Variants in GRIK2 observed in about 807,000 individuals in gnomAD.
GRIK2 encodes glutamate receptor ionotropic, kainate 2.
Under a neutral mutation model 100.3 loss-of-function variants are expected in GRIK2, and 32 were observed. The observed-to-expected ratio is 0.32, with a 90% CI of 0.24 to 0.43. GRIK2 has a LOEUF of 0.43. GRIK2 is among the 20% of genes least tolerant of loss of function. The pLI is 1.00. For synonymous variants in GRIK2, 417 were observed against 389.4 expected, an observed-to-expected ratio of 1.07 and a Z score of -0.83; for missense variants, 843 against 1,114.9, an observed-to-expected ratio of 0.76 and a Z score of 3.47.
At chr6:101,442,536 C>A (rs545957580) in intron 2 of GRIK2, among the ~76,000 whole-genome samples, 1 of 152,242 alleles carries the variant, frequency 6.6e-6, no homozygotes, top group African/African-American at 2.4e-5. Context: ...TTGAAAGACA[C>A]GCTGCAAACT....
Position 101,818,427 on chromosome 6 carries a change from C to T in GRIK2, c.1261C>T (p.Pro421Ser). Residue 421 changes from proline to serine, a missense_variant, in exon 10 of 17, where the codon CCA (proline) becomes TCA (serine). Around this residue, in one of 3 missense-constraint regions of GRIK2, gnomAD observed 519 missense variants for 643.8 expected, o/e 0.81. Coordinates refer to ENST00000369134, the MANE Select transcript of GRIK2 (RefSeq NM_021956.5). Reference sequence around the variant, plus strand: ...TATGACAGAAAGTCAAAAGGGAAAGCCAGCGAACATCACAGATTCCTTATC... The same window carrying T: ...TATGACAGAAAGTCAAAAGGGAAAGTCAGCGAACATCACAGATTCCTTATC... ...LNMTESQKGK[P>S]ANITDSLSNR... 1 of 1,611,932 alleles carries T rather than the reference C, an allele frequency of 6.2e-7. No homozygotes were observed. Among genetic ancestry groups the T allele is most frequent in the Non-Finnish European group, 8.5e-7 (1 of 1,178,156 alleles).
chr6:101,945,901 C>G (rs751522681), intron 14 of GRIK2, among the ~76,000 whole-genome samples: 1 of 132,740 alleles, frequency 7.5e-6, no homozygotes, highest in Non-Finnish European at 1.6e-5. Context: ...AATAGATTCT[C>G]TATCTACTGT....
At chr6:101,697,340 CGTGTGTGTGTGTGTGTGTGTGTGT>C (rs63654860) in intron 7 of GRIK2, among the ~76,000 whole-genome samples, 5 of 146,716 alleles carry the variant, frequency 3.4e-5, no homozygotes, top group African/African-American at 1.0e-4. Context: ...TTAGGGTGTA[CGTGTGTGTGTGTGTGTGTGTGTGT>C]GTGTGTGTGT....
At chr6:101,900,865 A>G (rs1787801172) in intron 12 of GRIK2, among the ~76,000 whole-genome samples, 1 of 151,564 alleles carries the variant, frequency 6.6e-6, no homozygotes, top group African/African-American at 2.4e-5. Flanking sequence ...TGCTAGCTTC[A>G]AGTCCTTGTT....
chr6:101,695,444 C>A (rs1339641503), intron 7 of GRIK2, among the ~76,000 whole-genome samples: 1 of 152,042 alleles, frequency 6.6e-6, no homozygotes, highest in Non-Finnish European at 1.5e-5. Flanking sequence ...TGGAAGGGGG[C>A]ACTGTCAAAC....
chr6:101,543,852 A>G (rs2518220), intron 2 of GRIK2, among the ~76,000 whole-genome samples: 122,660 of 152,246 alleles, frequency 0.81, 49,834 homozygotes, highest in African/African-American at 0.9. Flanking sequence ...CAAACAATAA[A>G]TTGTCAATTA....
intron 12 of GRIK2, among the ~76,000 whole-genome samples, chr6:101,904,350 A>G (rs979216130): frequency 4.6e-5 from 7 of 151,490 alleles, no homozygotes; most frequent in African/African-American, 1.7e-4. Context: ...GAACTTGTGT[A>G]TAGATAACAA....
At chr6:101,941,478 CTGAATT>C (rs1482980283) in intron 14 of GRIK2, among the ~76,000 whole-genome samples, 1 of 151,620 alleles carries the variant, frequency 6.6e-6, no homozygotes, top group East Asian at 1.9e-4. Context: ...AAAATACAAA[CTGAATT>C]TGATATGCAA....
chr6:101,394,689 G>T (rs1483706032), intron 1 of GRIK2, among the ~76,000 whole-genome samples: 1 of 152,130 alleles, frequency 6.6e-6, no homozygotes, highest in Non-Finnish European at 1.5e-5. Context: ...AGTCAGTTTA[G>T]TTACTGAAAT....
At chr6:101,682,636 G>T in intron 6 of GRIK2, 30 bp downstream of exon 6, 1 of 901,950 alleles carries the variant, frequency 1.1e-6, no homozygotes, top group Non-Finnish European at 1.8e-6. Flanking sequence ...AAAATGTTCT[G>T]AATTTTATTA....
At chr6:101,763,316 C>T (rs1410098862) in intron 7 of GRIK2, among the ~76,000 whole-genome samples, 1 of 152,138 alleles carries the variant, frequency 6.6e-6, no homozygotes, top group East Asian at 1.9e-4. Flanking sequence ...TTTATTCAAT[C>T]CTGAAAACCA....
At chr6:101,720,054 T>C (rs1382835536) in intron 7 of GRIK2, among the ~76,000 whole-genome samples, 1 of 151,976 alleles carries the variant, frequency 6.6e-6, no homozygotes, top group East Asian at 1.9e-4. Context: ...CTTATTTTTG[T>C]GTTTATTGAA....
At chr6:101,585,202 A>C (rs1339128231) in intron 2 of GRIK2, among the ~76,000 whole-genome samples, 1 of 152,084 alleles carries the variant, frequency 6.6e-6, no homozygotes, top group Non-Finnish European at 1.5e-5. Flanking sequence ...TTTGGTCAAA[A>C]GTTATCGAAT....
At chr6:101,935,709 C>G (rs1030609939) in intron 14 of GRIK2, among the ~76,000 whole-genome samples, 1 of 151,818 alleles carries the variant, frequency 6.6e-6, no homozygotes, top group Admixed American at 6.6e-5. Context: ...ATTTTACTAC[C>G]CTATAATATT....
chr6:101,934,139 A>G (rs1397422809), intron 14 of GRIK2, among the ~76,000 whole-genome samples: 1 of 151,898 alleles, frequency 6.6e-6, no homozygotes, highest in African/African-American at 2.4e-5. Flanking sequence ...AGATGAGGAA[A>G]CTGGGCCACA....
intron 10 of GRIK2, among the ~76,000 whole-genome samples, chr6:101,838,868 G>C (rs1331791473): frequency 2.0e-5 from 3 of 152,004 alleles, no homozygotes; most frequent in Non-Finnish European, 2.9e-5. Flanking sequence ...GGCCAGGCTG[G>C]TCTCAAACTC....
chr6:102,012,228 C>T (rs1562110469), intron 14 of GRIK2, among the ~76,000 whole-genome samples: 1 of 152,260 alleles, frequency 6.6e-6, no homozygotes, highest in East Asian at 1.9e-4. Context: ...ACCAATACCA[C>T]ACTATGTTGA....
chr6:101,799,779 T>G lies in GRIK2; in HGVS notation c.1083T>G (p.Ser361Arg). Reference protein sequence around the residue: ...KPWRFGTRFMSLIKEAHWEGL... With the variant: ...KPWRFGTRFMRLIKEAHWEGL... ...GGCGCTTCGGGACCCGCTTTATGAG[T>G]CTAATTAAAGAGGTAAGTTAGGAGA... The change falls in exon 8 of 17, where the codon AGT (serine) becomes AGG (arginine). Residue 361 changes from serine (S) to arginine (R), a missense_variant. Ser to Arg is a moderately radical substitution (Grantham distance 110). Coordinates refer to ENST00000369134, the MANE Select transcript of GRIK2 (RefSeq NM_021956.5). The G allele has an allele frequency of 6.2e-7, 1 of 1,612,734 alleles. No individual in the cohort carries two copies. The highest frequency in any genetic ancestry group is 8.5e-7 in the Non-Finnish European group (1 of 1,178,934).
At chr6:101,748,910 G>A (rs1277442357) in intron 7 of GRIK2, among the ~76,000 whole-genome samples, 2 of 152,206 alleles carry the variant, frequency 1.3e-5, no homozygotes, top group East Asian at 3.9e-4. Flanking sequence ...ATTTTAGCCT[G>A]ACAGTAAATA....
Sources: allele counts gnomAD v4.1 joint callset (sites outside exome capture counted in the v4.1 genomes callset), GRCh38; gene constraint gnomAD v4.1.1; regional missense constraint gnomAD v4.1.1; transcripts MANE v1.5; gene names NCBI Gene and HGNC (gene_info 2026-07-23, HGNC 2026-07-21).